The following CEP112 variants were observed in gnomAD, a reference collection of about 807,000 sequenced individuals.
The protein encoded by CEP112 is centrosomal protein 112.
Under a neutral mutation model 153.0 loss-of-function variants are expected in CEP112, and 127 were observed. That is an observed-to-expected ratio of 0.83 (90% CI 0.72 to 0.96). The LOEUF (loss-of-function observed/expected upper bound fraction) is 0.96, where lower values mean the gene tolerates loss of function less well. Ranked by LOEUF, CEP112 falls within the 40% of genes least tolerant of loss-of-function variation. The pLI, the probability that CEP112 is intolerant of heterozygous loss-of-function variation, is 0.00. For missense variants in CEP112, 1,089 were observed against 1,101.2 expected (o/e 0.99, Z 0.16); for synonymous variants, 358 against 374.4 (o/e 0.96, Z 0.51).
At chr17:65,782,401 G>C (rs1485125068) in intron 21 of CEP112, among the ~76,000 whole-genome samples, 1 of 152,116 alleles carries the variant, frequency 6.6e-6, no homozygotes, top group Non-Finnish European at 1.5e-5. Flanking sequence ...GGAATGGAAA[G>C]TAATTCAGAC....
intron 4 of CEP112, among the ~76,000 whole-genome samples, chr17:66,164,318 G>T (rs1487871686): frequency 6.6e-6 from 1 of 152,172 alleles, no homozygotes; most frequent in Non-Finnish European, 1.5e-5. Flanking sequence ...AGCACTTTGG[G>T]AGGCCAAGGC....
At chr17:66,006,509 G>T (rs2064280912) in intron 16 of CEP112, among the ~76,000 whole-genome samples, 1 of 152,030 alleles carries the variant, frequency 6.6e-6, no homozygotes, top group African/African-American at 2.4e-5. Context: ...AGGAGGCTGA[G>T]GCAGGAGAAT....
At chr17:66,142,041 T>C (rs764231284) in intron 4 of CEP112, among the ~76,000 whole-genome samples, 3 of 152,180 alleles carry the variant, frequency 2.0e-5, no homozygotes, top group Non-Finnish European at 4.4e-5. Flanking sequence ...GGACAACACT[T>C]GATATCTTTT....
At chr17:65,973,621 T>C (rs947750200) in intron 17 of CEP112, among the ~76,000 whole-genome samples, 1 of 152,090 alleles carries the variant, frequency 6.6e-6, no homozygotes, top group Non-Finnish European at 1.5e-5. Context: ...GGGAAAGATG[T>C]GGAGGGACTG....
chr17:65,985,508 T>C (rs10512509), intron 17 of CEP112, among the ~76,000 whole-genome samples: 88,972 of 151,946 alleles, frequency 0.59, 27,426 homozygotes, highest in African/African-American at 0.72. Flanking sequence ...ATGGCTAAGG[T>C]TTTACTATAC....
intron 19 of CEP112, among the ~76,000 whole-genome samples, chr17:65,911,240 T>C (rs997985106): frequency 5.9e-5 from 9 of 152,160 alleles, no homozygotes; most frequent in Non-Finnish European, 1.5e-5. Context: ...CATAATTGAT[T>C]TAAATAAAAA....
chr17:66,187,594 C>T (rs776788834), intron 1 of CEP112, among the ~76,000 whole-genome samples: 2 of 152,196 alleles, frequency 1.3e-5, no homozygotes, highest in Non-Finnish European at 2.9e-5. Flanking sequence ...CTCGGTCTCT[C>T]AATGGCTCTG....
At chr17:65,756,110 A>G (rs1489440777) in intron 21 of CEP112, among the ~76,000 whole-genome samples, 1 of 152,168 alleles carries the variant, frequency 6.6e-6, no homozygotes. Context: ...ATAGCCACAG[A>G]GTCAAGAAAT....
intron 17 of CEP112, among the ~76,000 whole-genome samples, chr17:65,969,150 C>T (rs546977626): frequency 6.1e-4 from 91 of 149,126 alleles, no homozygotes; most frequent in Non-Finnish European, 1.0e-3. Flanking sequence ...GGTGCGATCT[C>T]GGCTAACTAC....
intron 23 of CEP112, among the ~76,000 whole-genome samples, chr17:65,713,024 G>T (rs1487818352): frequency 6.6e-6 from 1 of 152,230 alleles, no homozygotes; most frequent in Non-Finnish European, 1.5e-5. Flanking sequence ...CACATTCAAA[G>T]TATAGCACAC....
chr17:65,878,735 A>G, intron 20 of CEP112, among the ~76,000 whole-genome samples: 1 of 152,090 alleles, frequency 6.6e-6, no homozygotes, highest in East Asian at 1.9e-4. Context: ...AGAAGTGAAA[A>G]TAAGGACGAG....
intron 21 of CEP112, among the ~76,000 whole-genome samples, chr17:65,772,305 T>G (rs1422026953): frequency 6.6e-6 from 1 of 152,022 alleles, no homozygotes; most frequent in African/African-American, 2.4e-5. Flanking sequence ...GAAAAATTAA[T>G]GAAACCAAAA....
At chr17:66,185,563 G>A (rs1037703956) in intron 1 of CEP112, among the ~76,000 whole-genome samples, 10 of 152,054 alleles carry the variant, frequency 6.6e-5, no homozygotes, top group African/African-American at 2.4e-4. Flanking sequence ...GTAAAATATT[G>A]GTCATCATAC....
At chr17:65,967,960 CAT>C (rs2062474924) in intron 17 of CEP112, among the ~76,000 whole-genome samples, 2 of 152,014 alleles carry the variant, frequency 1.3e-5, no homozygotes, top group South Asian at 2.1e-4. Flanking sequence ...ATAAATCCCA[CAT>C]ATGATGCTAT....
At chr17:65,662,029 C>T (rs561253736) in intron 24 of CEP112, among the ~76,000 whole-genome samples, 43 of 152,110 alleles carry the variant, frequency 2.8e-4, no homozygotes, top group East Asian at 5.8e-4. Context: ...AGTGCAGTGA[C>T]GCAATCATGG....
intron 21 of CEP112, among the ~76,000 whole-genome samples, chr17:65,821,475 T>C (rs1193729510): frequency 3.7e-5 from 5 of 135,072 alleles, no homozygotes; most frequent in African/African-American, 1.4e-4. Context: ...AATTATCAAA[T>C]TATTAAACTT....
chr17:65,941,896 C>T (rs147569540), intron 18 of CEP112, among the ~76,000 whole-genome samples: 140 of 152,110 alleles, frequency 9.2e-4, no homozygotes, highest in Middle Eastern at 3.4e-3. Flanking sequence ...GATTCTTCTG[C>T]CTCAAGTCTT....
intron 21 of CEP112, among the ~76,000 whole-genome samples, chr17:65,825,193 C>T (rs1448022308): frequency 6.6e-6 from 1 of 152,180 alleles, no homozygotes; most frequent in Non-Finnish European, 1.5e-5. Context: ...TGTGGATGAA[C>T]TTGAAGACAT....
Position 66,101,441 on chromosome 17 carries a change from G to A in CEP112, c.643-4809C>T, listed in dbSNP as rs564325558. On this transcript the variant is annotated intron_variant, in intron 6 of 26. Transcript: ENST00000535342. Reference sequence around the variant, plus strand: ...TTTATCTTAGTTAAAAGATAATCAAGAGGGAAAAAAAAGATAATCAAGGAA... The same window carrying A: ...TTTATCTTAGTTAAAAGATAATCAAAAGGGAAAAAAAAGATAATCAAGGAA... Among the ~76,000 whole-genome samples, 15 of 151,964 alleles carry A rather than the reference G, an allele frequency of 9.9e-5. No individual in the cohort carries two copies. In the South Asian group the frequency reaches 3.1e-3, roughly 31 times the overall value.
Sources: allele counts gnomAD v4.1 joint callset (sites outside exome capture counted in the v4.1 genomes callset), GRCh38; gene constraint gnomAD v4.1.1; transcripts MANE v1.5; gene names NCBI Gene and HGNC (gene_info 2026-07-23, HGNC 2026-07-21).